Variants in PLCB4 observed in about 807,000 individuals in gnomAD.
PLCB4 encodes phospholipase C beta 4.
In PLCB4, 77 loss-of-function variants were observed where a neutral mutation model predicts 178.8. That is an observed-to-expected ratio of 0.43 (90% confidence interval 0.36 to 0.52). PLCB4 has a LOEUF of 0.52. PLCB4 is among the 20% of genes least tolerant of loss of function. The pLI, the probability that PLCB4 is intolerant of heterozygous loss-of-function variation, is 0.00. For synonymous variants in PLCB4, 496 were observed against 490.8 expected (o/e 1.01, Z -0.14); for missense variants, 1,024 against 1,453.4 (o/e 0.70, Z 4.80).
chr20:9,202,164 A>G (rs2147192223), intron 2 of PLCB4, among the ~76,000 whole-genome samples: 1 of 152,340 alleles, frequency 6.6e-6, no homozygotes, highest in East Asian at 1.9e-4. Flanking sequence ...ATATGATTCC[A>G]TGCAGTAAAG....
chr20:9,245,501 A>G (rs1014548916), intron 3 of PLCB4, among the ~76,000 whole-genome samples: 1 of 152,152 alleles, frequency 6.6e-6, no homozygotes, highest in Non-Finnish European at 1.5e-5. Context: ...GCATCTCTAC[A>G]AAAGAGAGGC....
chr20:9,197,763 A>T (rs1319358718), intron 2 of PLCB4, among the ~76,000 whole-genome samples: 1 of 152,084 alleles, frequency 6.6e-6, no homozygotes, highest in Non-Finnish European at 1.5e-5. Flanking sequence ...ATCACCTGAG[A>T]TCAGAAGTTT....
chr20:9,437,015 A>G lies in PLCB4; in HGVS notation c.2627A>G (p.Asp876Gly), dbSNP rs2148646949. ...AMGIETSDIA[D>G]VPSDTSKNDK... ...TTTCTGTTCCAGAGTGACATAGCCG[A>G]CGTGCCCAGTGACACTTCCAAAAAT... The change falls in exon 30 of 40, where the codon GAC (aspartate) becomes GGC (glycine). Residue 876 changes from aspartate to glycine, a missense_variant. By Grantham distance (94) the Asp-to-Gly change is moderately conservative (BLOSUM62 -1). Around this residue, in one of 7 missense-constraint regions of PLCB4, gnomAD observed 227 missense variants for 374.3 expected, o/e 0.61. Transcript: ENST00000378473. 6.2e-7 allele frequency: 1 copy of G among 1,614,058 alleles called. No individual in the cohort carries two copies. The highest frequency in any genetic ancestry group is 2.2e-5 in the East Asian group (1 of 44,858).
chr20:9,385,548 G>A (rs2037537683), intron 14 of PLCB4, among the ~76,000 whole-genome samples: 1 of 150,500 alleles, frequency 6.6e-6, no homozygotes, highest in Non-Finnish European at 1.5e-5. Context: ...AGACGGGGTG[G>A]CGGCCGGGCA....
At chr20:9,408,881 T>G (rs1278791801) in intron 23 of PLCB4, among the ~76,000 whole-genome samples, 164 bp downstream of exon 23, 1 of 152,182 alleles carries the variant, frequency 6.6e-6, no homozygotes, top group Non-Finnish European at 1.5e-5. Flanking sequence ...TGAAAATTGT[T>G]TTTATAATCC....
chr20:9,276,225 G>C (rs1387981239), intron 3 of PLCB4, among the ~76,000 whole-genome samples: 6 of 152,092 alleles, frequency 3.9e-5, no homozygotes, highest in Non-Finnish European at 7.4e-5. Context: ...GCTGATGAGA[G>C]CTCTGTCATT....
At chr20:9,274,661 T>G in intron 3 of PLCB4, among the ~76,000 whole-genome samples, 1 of 152,106 alleles carries the variant, frequency 6.6e-6, no homozygotes, top group East Asian at 1.9e-4. Flanking sequence ...AAACCATGCC[T>G]TGTGCTTTGC....
At chr20:9,415,265 AATTTTTATATT>A (rs776776773) in intron 25 of PLCB4, among the ~76,000 whole-genome samples, 48 of 152,082 alleles carry the variant, frequency 3.2e-4, no homozygotes, top group Non-Finnish European at 6.0e-4. Context: ...TTTATTTTCC[AATTTTTATATT>A]AGGTTCTATT....
intron 3 of PLCB4, among the ~76,000 whole-genome samples, chr20:9,219,205 C>A (rs2093768404): frequency 6.6e-6 from 1 of 152,172 alleles, no homozygotes; most frequent in Non-Finnish European, 1.5e-5. Context: ...CGCGGTGGCT[C>A]ACGCCTGCAA....
intron 3 of PLCB4, among the ~76,000 whole-genome samples, chr20:9,222,441 A>T (rs1442245786): frequency 6.9e-6 from 1 of 145,618 alleles, no homozygotes; most frequent in Non-Finnish European, 1.5e-5. Context: ...ATGATTGTTC[A>T]CCTGATGTCC....
rs181326587 is a variant in PLCB4, at chr20:9,196,797, C to A, written c.-78-20593C>A. 1.3e-4 allele frequency among the ~76,000 whole-genome samples: 20 copies of A among 152,190 alleles called. No individual in the cohort carries two copies. In the East Asian group the frequency reaches 3.9e-3, roughly 29 times the overall value. On this transcript the variant is annotated intron_variant, in intron 2 of 39. Coordinates refer to ENST00000378473, the MANE Select transcript of PLCB4 (RefSeq NM_001377142.1). ...GAGGGGCCTAGCAGAATATTTAGTA[C>A]AAAGGTTCTCAGTAAGCGGAGGTGT... is the stretch of plus-strand genomic sequence containing the variant.
At chr20:9,081,393 C>T (rs2090140414) in intron 1 of PLCB4, among the ~76,000 whole-genome samples, 1 of 152,198 alleles carries the variant, frequency 6.6e-6, no homozygotes, top group South Asian at 2.1e-4. Context: ...TTTGCATCAC[C>T]TATACTAGGC....
At chr20:9,322,243 G>A (rs1182557190) in intron 4 of PLCB4, among the ~76,000 whole-genome samples, 1 of 151,196 alleles carries the variant, frequency 6.6e-6, no homozygotes, top group Admixed American at 6.6e-5. Flanking sequence ...ATAGGCATGA[G>A]CCACTGTGCC....
chr20:9,417,376 C>T (rs892381723), intron 25 of PLCB4, among the ~76,000 whole-genome samples: 10 of 152,148 alleles, frequency 6.6e-5, no homozygotes, highest in African/African-American at 2.4e-4. Flanking sequence ...TTTCATCTCC[C>T]AATAGGAATT....
At chr20:9,175,605 C>T (rs935192503) in intron 2 of PLCB4, among the ~76,000 whole-genome samples, 4 of 152,082 alleles carry the variant, frequency 2.6e-5, no homozygotes, top group Admixed American at 2.6e-4. Context: ...CTCTTAGGTC[C>T]GTGTCTCATC....
chr20:9,442,381 T>C (rs1007965540), intron 30 of PLCB4, among the ~76,000 whole-genome samples: 11 of 89,168 alleles, frequency 1.2e-4, no homozygotes, highest in Non-Finnish European at 2.2e-4. Flanking sequence ...AGAGTGTGGT[T>C]TTTTTTTTTC....
At chr20:9,325,647 T>C (rs567270730) in intron 4 of PLCB4, among the ~76,000 whole-genome samples, 24 of 152,214 alleles carry the variant, frequency 1.6e-4, no homozygotes, top group African/African-American at 5.8e-4. Context: ...GTCCCAAAGA[T>C]TTAACATCTA....
At chr20:9,287,668 C>T (rs1374878761) in intron 3 of PLCB4, among the ~76,000 whole-genome samples, 2 of 151,992 alleles carry the variant, frequency 1.3e-5, no homozygotes, top group Non-Finnish European at 2.9e-5. Flanking sequence ...ATTTCAGGCT[C>T]ATGAGGGATT....
chr20:9,343,136 G>GT (rs2033422554), intron 7 of PLCB4, among the ~76,000 whole-genome samples: 1 of 152,044 alleles, frequency 6.6e-6, no homozygotes, highest in South Asian at 2.1e-4. Flanking sequence ...CAAGTGAAAT[G>GT]TAAGTTAAGT....
Sources: allele counts gnomAD v4.1 joint callset (sites outside exome capture counted in the v4.1 genomes callset), GRCh38; gene constraint gnomAD v4.1.1; regional missense constraint gnomAD v4.1.1; transcripts MANE v1.5; gene names NCBI Gene and HGNC (gene_info 2026-07-23, HGNC 2026-07-21).